Variants in LRCH1 observed in about 807,000 individuals in gnomAD.
LRCH1 encodes the protein leucine rich repeats and calponin homology domain containing 1.
LRCH1 carries 23 observed loss-of-function variants against 94.9 expected under a neutral mutation model. The observed-to-expected ratio is 0.24, with a 90% confidence interval of 0.17 to 0.34. LRCH1 has a LOEUF of 0.34. Among genes scored for constraint, LRCH1 ranks in the 10% least tolerant of loss-of-function variants. LRCH1 has a pLI of 1.00. For missense variants in LRCH1, 790 were observed against 945.9 expected (o/e 0.84, Z 2.16); for synonymous variants, 364 against 354.9 (o/e 1.03, Z -0.29).
chr13:46,559,398 T>C (rs2050105055), intron 1 of LRCH1, among the ~76,000 whole-genome samples: 1 of 152,240 alleles, frequency 6.6e-6, no homozygotes, highest in Non-Finnish European at 1.5e-5. Flanking sequence ...TAAACTATGA[T>C]TCATATCCTT....
chr13:46,596,213 A>G (rs1028713606), intron 1 of LRCH1, among the ~76,000 whole-genome samples: 5 of 152,336 alleles, frequency 3.3e-5, no homozygotes, highest in Admixed American at 3.3e-4. Context: ...TCTAATAGAT[A>G]AAGGGCTGGT....
intron 1 of LRCH1, among the ~76,000 whole-genome samples, chr13:46,596,734 C>A (rs995570153): frequency 6.6e-6 from 1 of 152,190 alleles, no homozygotes; most frequent in African/African-American, 2.4e-5. Flanking sequence ...GAACAGCTTG[C>A]GATTGGATCA....
chr13:46,562,769 G>T (rs1043281317), intron 1 of LRCH1, among the ~76,000 whole-genome samples: 1 of 152,154 alleles, frequency 6.6e-6, no homozygotes, highest in African/African-American at 2.4e-5. Context: ...CCCAAGACAG[G>T]TCTGTTTGTT....
chr13:46,573,866 A>ATATATATATATATATATATTTATTT, intron 1 of LRCH1, among the ~76,000 whole-genome samples: 5 of 63,418 alleles, frequency 7.9e-5, no homozygotes, highest in African/African-American at 2.6e-4. Context: ...ATATATATAT[A>ATATATATATATATATATATTTATTT]TTTTTTTTTT....
chr13:46,554,722 G>C (rs933374569), intron 1 of LRCH1, among the ~76,000 whole-genome samples: 1 of 152,206 alleles, frequency 6.6e-6, no homozygotes, highest in African/African-American at 2.4e-5. Flanking sequence ...GGTCTATACA[G>C]AACTGACTTG....
At chr13:46,560,999 C>T (rs1475521538) in intron 1 of LRCH1, among the ~76,000 whole-genome samples, 1 of 152,136 alleles carries the variant, frequency 6.6e-6, no homozygotes, top group Non-Finnish European at 1.5e-5. Flanking sequence ...TCCAGCCATG[C>T]AATAGAAGGG....
chr13:46,660,818 G>T (rs1334210940), intron 2 of LRCH1, among the ~76,000 whole-genome samples: 3 of 152,106 alleles, frequency 2.0e-5, no homozygotes, highest in South Asian at 4.1e-4. Flanking sequence ...CTTTGACTCA[G>T]TTGAGCACTA....
chr13:46,694,862 T>C, intron 8 of LRCH1, 31 bp from the exon 9 acceptor site: 11 of 1,612,804 alleles, frequency 6.8e-6, no homozygotes, highest in Non-Finnish European at 9.3e-6. Flanking sequence ...CATGAAATCA[T>C]GCTTTCCATC....
intron 1 of LRCH1, among the ~76,000 whole-genome samples, chr13:46,636,499 A>AT (rs1035406925): frequency 1.4e-4 from 22 of 151,892 alleles, no homozygotes; most frequent in African/African-American, 4.8e-4. Flanking sequence ...TTAACACCTC[A>AT]TTTTTCCCTC....
At chr13:46,649,174 A>G (rs1414560426) in intron 1 of LRCH1, among the ~76,000 whole-genome samples, 1 of 152,192 alleles carries the variant, frequency 6.6e-6, no homozygotes, top group African/African-American at 2.4e-5. Context: ...TGTGATATTG[A>G]CATATTTACA....
intron 1 of LRCH1, among the ~76,000 whole-genome samples, chr13:46,569,424 GT>G (rs2050218122): frequency 1.3e-5 from 2 of 152,190 alleles, no homozygotes; most frequent in African/African-American, 4.8e-5. Context: ...AGGAGTCAGG[GT>G]TTGAGCCCCA....
At chr13:46,623,267 G>C (rs1489589726) in intron 1 of LRCH1, among the ~76,000 whole-genome samples, 1 of 152,142 alleles carries the variant, frequency 6.6e-6, no homozygotes, top group Non-Finnish European at 1.5e-5. Flanking sequence ...CTTGGTGAAA[G>C]ATAATGCTTG....
intron 19 of LRCH1, among the ~76,000 whole-genome samples, chr13:46,740,850 A>G (rs1469733980): frequency 6.6e-6 from 1 of 152,222 alleles, no homozygotes; most frequent in Non-Finnish European, 1.5e-5. Context: ...TTAGCTGAGA[A>G]ATAGGTGTTC....
intron 2 of LRCH1, among the ~76,000 whole-genome samples, chr13:46,651,657 AT>A (rs1411952725): frequency 6.9e-6 from 1 of 145,566 alleles, no homozygotes; most frequent in African/African-American, 2.5e-5. Flanking sequence ...GCGAAACTCC[AT>A]GTCAAAAAAA....
intron 2 of LRCH1, among the ~76,000 whole-genome samples, chr13:46,659,831 C>CT (rs1486505422): frequency 2.0e-5 from 3 of 152,074 alleles, no homozygotes; most frequent in Admixed American, 6.6e-5. Context: ...GTCCCAGAAC[C>CT]AGACCCTTGT....
At chr13:46,713,531 G>A (rs776239983) in intron 15 of LRCH1, among the ~76,000 whole-genome samples, 3 of 152,220 alleles carry the variant, frequency 2.0e-5, no homozygotes, top group Non-Finnish European at 2.9e-5. Flanking sequence ...CTTGGGGCAG[G>A]TTGATTGATG....
intron 4 of LRCH1, among the ~76,000 whole-genome samples, chr13:46,684,701 C>A (rs1870517113): frequency 6.6e-6 from 1 of 152,176 alleles, no homozygotes; most frequent in Non-Finnish European, 1.5e-5. Flanking sequence ...GTTTCACTTT[C>A]ATGATTCCAG....
Position 46,687,969 on chromosome 13 carries a change from G to A in LRCH1, c.940G>A (p.Val314Met), listed in dbSNP as rs776852021. 2.2e-5 allele frequency: 36 copies of A among 1,611,344 alleles called. No homozygotes were observed. The highest frequency in any genetic ancestry group is 6.7e-5 in the East Asian group (3 of 44,812). Reference sequence around the variant, plus strand: ...GGAGAGGCCACATTTACACCAGCACGTGGAAGATGGGTGAGTCATGCCCTC... The same window carrying A: ...GGAGAGGCCACATTTACACCAGCACATGGAAGATGGGTGAGTCATGCCCTC... ...TMERPHLHQH[V>M]EDGKKDSDSG... The change falls in exon 6 of 20, where the codon GTG becomes ATG. Residue 314 changes from valine (V) to methionine (M), a missense_variant. Val to Met is a conservative substitution (Grantham distance 21, BLOSUM62 1). This residue lies in a region of LRCH1 where 194 missense variants were observed against 293.5 expected (regional missense o/e 0.66). Transcript: ENST00000389797.
At chr13:46,689,027 T>C in intron 6 of LRCH1, 106 bp from the exon 7 acceptor site, 1 of 891,328 alleles carries the variant, frequency 1.1e-6, no homozygotes, top group East Asian at 2.5e-5. Flanking sequence ...TAATAAAAAT[T>C]TGCGTAGCAA....
Sources: gnomAD v4.1 joint callset for allele counts (sites outside exome capture counted in the v4.1 genomes callset) on GRCh38, gnomAD v4.1.1 for gene constraint, gnomAD v4.1.1 regional missense constraint, MANE v1.5 for transcripts, NCBI Gene and HGNC (gene_info 2026-07-23, HGNC 2026-07-21) for gene names.